The following TSPAN4 variants were observed in gnomAD, a reference collection of about 807,000 sequenced individuals.
TSPAN4 encodes the protein tetraspanin-4.
Under a neutral mutation model 31.5 loss-of-function variants are expected in TSPAN4, and 38 were observed. The observed-to-expected ratio is 1.21, with a 90% CI of 0.93 to 1.58. TSPAN4 has a LOEUF of 1.58. Ranked by LOEUF, TSPAN4 falls within the 40% of genes most tolerant of loss-of-function variation. The pLI, the probability that TSPAN4 is intolerant of heterozygous loss-of-function variation, is 0.00. For missense variants in TSPAN4, 330 were observed against 317.3 expected, an observed-to-expected ratio of 1.04 and a Z score of -0.30; for synonymous variants, 186 against 144.6, an observed-to-expected ratio of 1.29 and a Z score of -2.06.
At chr11:863,078 C>T (rs1043170424) in intron 4 of TSPAN4, 4 of 199,314 alleles carry the variant, frequency 2.0e-5, no homozygotes, top group African/African-American at 4.6e-5. Context: ...CACGGGCTTG[C>T]GGTCTCCGTG....
intron 2 of TSPAN4, among the ~76,000 whole-genome samples, chr11:847,770 T>G (rs1380131991): frequency 6.6e-6 from 1 of 152,118 alleles, no homozygotes; most frequent in Non-Finnish European, 1.5e-5. Flanking sequence ...GACTGCATCC[T>G]GGGCGCTGGG....
At position 866,785 on chromosome 11, in the gene TSPAN4, G is replaced by T; in HGVS notation, c.*155G>T. Reference sequence around the variant, plus strand: ...TGGAGCCCCCGGAACCCTGTTTCTGGAAGGCCCTAGCTCAGGTGGCTTCAG... The same window carrying T: ...TGGAGCCCCCGGAACCCTGTTTCTGTAAGGCCCTAGCTCAGGTGGCTTCAG... On this transcript the variant is annotated 3_prime_UTR_variant, in exon 9 of 9. Coordinates refer to ENST00000397397, the MANE Select transcript of TSPAN4 (RefSeq NM_003271.5). 1 of 823,928 alleles carries T rather than the reference G, an allele frequency of 1.2e-6. No individual in the cohort carries two copies. The highest frequency in any genetic ancestry group is 1.8e-6 in the Non-Finnish European group (1 of 547,402). The allele number at this position is 823,928 out of a possible 1,614,324, so 51.0% of individuals were successfully genotyped here. A position where few individuals can be genotyped will look rare whatever the true frequency, so the allele number is the denominator to read the frequency against.
intron 1 of TSPAN4, among the ~76,000 whole-genome samples, chr11:846,712 G>C (rs967359561): frequency 1.3e-5 from 2 of 148,684 alleles, no homozygotes; most frequent in Admixed American, 6.9e-5. Context: ...CTGAGCCTGG[G>C]TGTCTGCTCA....
intron 3 of TSPAN4, among the ~76,000 whole-genome samples, chr11:852,500 C>A (rs1847811249): frequency 6.6e-6 from 1 of 152,222 alleles, no homozygotes. Flanking sequence ...CCCCCCCAAC[C>A]CTGGGCTGGT....
At chr11:843,886 G>A (rs887494352) in intron 1 of TSPAN4, among the ~76,000 whole-genome samples, 2 of 152,200 alleles carry the variant, frequency 1.3e-5, no homozygotes, top group African/African-American at 4.8e-5. Flanking sequence ...CTTAGTTGCA[G>A]AGGAGGAGGA....
chr11:854,302 G>A (rs1014983002), intron 3 of TSPAN4, among the ~76,000 whole-genome samples: 2 of 152,310 alleles, frequency 1.3e-5, no homozygotes, highest in East Asian at 3.9e-4. Context: ...GCACTGTATG[G>A]TTAGGGCCTG....
At chr11:865,257 G>C (rs7482414) in intron 5 of TSPAN4, 1 of 524,826 alleles carries the variant, frequency 1.9e-6, no homozygotes, top group Non-Finnish European at 3.4e-6. Context: ...GGAGGCACCT[G>C]TGTCCCTGTC....
chr11:857,081 CAGTG>C (rs1213066021), intron 3 of TSPAN4: 4 of 152,116 alleles, frequency 2.6e-5, no homozygotes, highest in African/African-American at 7.2e-5. Context: ...CGTCTGGTGA[CAGTG>C]GGTGTCTCTT....
At chr11:856,830 A>T (rs1056443161) in intron 3 of TSPAN4, 1 of 152,280 alleles carries the variant, frequency 6.6e-6, no homozygotes, top group Non-Finnish European at 1.5e-5. Context: ...CTTTGAGGCT[A>T]TAATTTTCCT....
Position 848,344 on chromosome 11 carries a change from C to A in TSPAN4, c.-18+1044C>A, listed in dbSNP as rs975748475. ...GGGCCATGGGAAGCCCCAGGATGGC[C>A]TTGTGGGCCTTCAGGGGACCTCCAG... On this transcript the variant is annotated intron_variant, in intron 2 of 8. Coordinates refer to ENST00000397397, the MANE Select transcript of TSPAN4 (RefSeq NM_003271.5). This position sits in a 1 kb window ranked among gnomAD's most constrained non-coding sequence, Gnocchi z 5.7. 6.6e-6 allele frequency among the ~76,000 whole-genome samples: 1 copy of A among 152,236 alleles called. No homozygotes were observed. The highest frequency in any genetic ancestry group is 1.5e-5 in the Non-Finnish European group (1 of 68,020).
At chr11:844,475 C>G (rs1828485662) in intron 1 of TSPAN4, 2 of 152,350 alleles carry the variant, frequency 1.3e-5, no homozygotes, top group African/African-American at 4.8e-5. Context: ...CTGTGCATCT[C>G]CCCCGAGCCC....
intron 5 of TSPAN4, 108 bp downstream of exon 5, chr11:864,619 C>T: frequency 2.1e-6 from 3 of 1,410,350 alleles, no homozygotes; most frequent in Non-Finnish European, 3.0e-6. Context: ...CATGTGCCCT[C>T]ACGGGCAGCC....
chr11:853,833 G>A (rs1323311235), intron 3 of TSPAN4, among the ~76,000 whole-genome samples: 1 of 152,340 alleles, frequency 6.6e-6, no homozygotes, highest in Non-Finnish European at 1.5e-5. Context: ...GTTGGGGAGT[G>A]GGAAGCAGGC....
intron 1 of TSPAN4, chr11:843,338 C>G (rs867590036): frequency 6.6e-6 from 1 of 152,134 alleles, no homozygotes; most frequent in African/African-American, 2.4e-5. Context: ...GGGGTGCGCC[C>G]TCCCGGGTCC....
intron 2 of TSPAN4, 156 bp from the exon 3 acceptor site, chr11:850,132 G>C (rs1046283185): frequency 1.8e-6 from 1 of 564,768 alleles, no homozygotes; most frequent in Non-Finnish European, 3.1e-6. Flanking sequence ...CGCTACAGCA[G>C]CCTATACGGG....
At position 850,495 on chromosome 11, in the gene TSPAN4, G is replaced by A. The variant is rs963772791; in HGVS notation, c.63+128G>A. ...TGGGTGCGGTTGTGGGGATGGTCCC[G>A]GGAGGACCCAAGACCGCTGCTCCGG... On this transcript the variant is annotated intron_variant, in intron 3 of 8. Transcript: ENST00000397397. 43 of 790,942 alleles carry A rather than the reference G, an allele frequency of 5.4e-5. 1 individual carries two copies. The East Asian group carries it at 1.1e-3, about 21-fold the overall frequency. The allele number at this position is 790,942 out of a possible 1,614,324, so 49.0% of individuals were successfully genotyped here.
intron 5 of TSPAN4, 175 bp from the exon 6 acceptor site, chr11:865,338 T>G: frequency 3.3e-6 from 2 of 606,008 alleles, no homozygotes. Context: ...GCCCTGGGCC[T>G]CAGGGCTGCT....
chr11:862,810 C>A, intron 4 of TSPAN4, 69 bp downstream of exon 4: 1 of 1,454,694 alleles, frequency 6.9e-7, no homozygotes, highest in East Asian at 2.5e-5. Context: ...GGCCCCCAGG[C>A]CTTGGCTGCC....
intron 5 of TSPAN4, 197 bp downstream of exon 5, chr11:864,708 G>T: frequency 3.0e-6 from 2 of 665,706 alleles, no homozygotes; most frequent in Non-Finnish European, 5.1e-6. Context: ...GCTCTATAGC[G>T]ACTGGGGCAC....
Sources: gnomAD v4.1 joint callset for allele counts (sites outside exome capture counted in the v4.1 genomes callset) on GRCh38, gnomAD v4.1.1 for gene constraint, Gnocchi (gnomAD v3.1) non-coding constraint, MANE v1.5 for transcripts, NCBI Gene and HGNC (gene_info 2026-07-23, HGNC 2026-07-21) for gene names.